The following TOP1MT variants were observed in gnomAD, a reference collection of about 807,000 sequenced individuals.
TOP1MT encodes DNA topoisomerase I, mitochondrial.
In TOP1MT, 80 loss-of-function variants were observed where a neutral mutation model predicts 73.9. That is an observed-to-expected ratio of 1.08 (90% CI 0.90 to 1.30). TOP1MT has a LOEUF of 1.30. Ranked by LOEUF, TOP1MT falls within the 50% of genes most tolerant of loss-of-function variation. The pLI is 0.00. For synonymous variants in TOP1MT, 338 were observed against 326.4 expected (o/e 1.04, Z -0.38); for missense variants, 815 against 808.0 (o/e 1.01, Z -0.10).
At chr8:143,339,106 A>G (rs545130022), upstream of TOP1MT, among the ~76,000 whole-genome samples, 54 of 152,328 alleles carry the variant, frequency 3.5e-4, no homozygotes, top group African/African-American at 1.3e-3. Context: ...AAGGCTATGC[A>G]GGGACTGCCC....
At chr8:143,350,363 G>A (rs1022314031) in intron 1 of TOP1MT, 1 of 152,034 alleles carries the variant, frequency 6.6e-6, no homozygotes, top group Non-Finnish European at 1.5e-5. Context: ...ACTGAGTCTC[G>A]TTCTGTCATG....
intron 4 of TOP1MT, 33 bp downstream of exon 4, chr8:143,326,189 C>T: frequency 6.2e-7 from 1 of 1,612,158 alleles, no homozygotes; most frequent in Non-Finnish European, 8.5e-7. Flanking sequence ...CCAGGGGCCA[C>T]TTCAGGTCAC....
intron 1 of TOP1MT, chr8:143,334,239 G>A (rs1260572850): frequency 6.5e-6 from 1 of 152,778 alleles, no homozygotes; most frequent in Admixed American, 6.5e-5. Context: ...GAAAGCGCCT[G>A]GGACCACCAA....
intron 1 of TOP1MT, among the ~76,000 whole-genome samples, chr8:143,352,004 C>T (rs912737769): frequency 6.6e-6 from 1 of 152,342 alleles, no homozygotes; most frequent in African/African-American, 2.4e-5. Context: ...ATCGCTTGAA[C>T]CTGGGAGGTG....
intron 12 of TOP1MT, among the ~76,000 whole-genome samples, chr8:143,311,958 G>A (rs1365051902): frequency 6.6e-6 from 1 of 152,322 alleles, no homozygotes; most frequent in East Asian, 1.9e-4. Flanking sequence ...ACTATAACAA[G>A]TGATTATATC....
At chr8:143,331,389 A>G (rs773760212) in intron 1 of TOP1MT, 50 bp from the exon 2 acceptor site, 2 of 1,510,956 alleles carry the variant, frequency 1.3e-6, no homozygotes, top group Non-Finnish European at 9.1e-7. Context: ...GCCCTGCATG[A>G]GCCTCTTCCC....
chr8:143,342,329 T>TGGAGTGCAGTGGC (rs1563771468), intron 2 of TOP1MT, among the ~76,000 whole-genome samples: 5 of 139,892 alleles, frequency 3.6e-5, no homozygotes, highest in Non-Finnish European at 7.4e-5. Flanking sequence ...AGAGTCTCGC[T>TGGAGTGCAGTGGC]GTTATTATTA....
At chr8:143,332,026 G>A (rs891555527) in intron 1 of TOP1MT, among the ~76,000 whole-genome samples, 2 of 150,514 alleles carry the variant, frequency 1.3e-5, no homozygotes, top group Non-Finnish European at 1.5e-5. Flanking sequence ...TCCCCAGGGC[G>A]CCCCCTTCTG....
chr8:143,344,605 G>T lies in TOP1MT; in HGVS notation c.-39+311C>A, dbSNP rs1817187174. 3 of 152,516 alleles carry T rather than the reference G, an allele frequency of 2.0e-5. No individual in the cohort carries two copies. Among genetic ancestry groups the T allele is most frequent in the African/African-American group, 4.8e-5 (2 of 41,406 alleles). The allele number at this position is 152,516 out of a possible 1,614,324, so 9.4% of individuals were successfully genotyped here. On this transcript the variant is annotated intron_variant, in intron 1 of 5. Coordinates refer to the TOP1MT transcript ENST00000518007. This position sits in a 1 kb window ranked among gnomAD's most constrained non-coding sequence, Gnocchi z 4.6. ...CACTGTGCCACCCGCCCGCCGCGCA[G>T]CACCATTCCCCAGCTACAGGGACAG...
chr8:143,321,894 G>C (rs1374159741), intron 7 of TOP1MT, among the ~76,000 whole-genome samples: 5 of 29,128 alleles, frequency 1.7e-4, no homozygotes, highest in Admixed American at 5.0e-4. Context: ...GCCACACACA[G>C]GCACGCCACA....
chr8:143,309,946 G>C (rs773802800), intron 13 of TOP1MT, 122 bp downstream of exon 13: 37 of 1,597,078 alleles, frequency 2.3e-5, no homozygotes, highest in Non-Finnish European at 3.1e-5. Context: ...GTCACAGGGA[G>C]GGCCTGTGCT....
At chr8:143,348,114 G>C (rs1477289788), upstream of TOP1MT, among the ~76,000 whole-genome samples, 1 of 152,124 alleles carries the variant, frequency 6.6e-6, no homozygotes, top group Non-Finnish European at 1.5e-5. The surrounding 1 kb of genome is among the most constrained non-coding windows in gnomAD (Gnocchi z 4.6). Flanking sequence ...TGCCGCCTAA[G>C]CCCTACCACC....
chr8:143,320,905 A>C (rs1324803699), intron 8 of TOP1MT, among the ~76,000 whole-genome samples: 3 of 152,200 alleles, frequency 2.0e-5, no homozygotes, highest in East Asian at 3.8e-4. Context: ...CTGGGTCTGC[A>C]GTGCCTTCCT....
chr8:143,330,424 C>T (rs1276388253), intron 2 of TOP1MT, among the ~76,000 whole-genome samples: 1 of 152,252 alleles, frequency 6.6e-6, no homozygotes, highest in African/African-American at 2.4e-5. Context: ...GCAGCCCCCA[C>T]AGACACAGCT....
upstream of TOP1MT, among the ~76,000 whole-genome samples, chr8:143,348,205 C>A (rs568653930): frequency 1.3e-5 from 2 of 152,346 alleles, no homozygotes; most frequent in African/African-American, 4.8e-5. The surrounding 1 kb of genome is among the most constrained non-coding windows in gnomAD (Gnocchi z 4.6). Flanking sequence ...CAGCTCCCTG[C>A]TCCAAAGTCC....
chr8:143,324,433 T>C, intron 6 of TOP1MT, 52 bp downstream of exon 6: 1 of 1,611,328 alleles, frequency 6.2e-7, no homozygotes. Flanking sequence ...CCTGCCGGCG[T>C]CCTCAGGGGG....
intron 1 of TOP1MT, chr8:143,332,584 AG>A (rs1816887797): frequency 7.8e-7 from 1 of 1,289,026 alleles, no homozygotes; most frequent in Admixed American, 2.3e-5. Context: ...TCAGAGCAAC[AG>A]GAAGTCTCTG....
upstream of TOP1MT, among the ~76,000 whole-genome samples, chr8:143,337,678 G>T (rs905630257): frequency 2.0e-5 from 3 of 152,222 alleles, no homozygotes; most frequent in African/African-American, 7.2e-5. Context: ...GCATGATGGT[G>T]TACACCTGTA....
chr8:143,323,568 CACG>C lies in TOP1MT; in HGVS notation c.960+428_960+430del, dbSNP rs1310810215. On this transcript the variant is annotated intron_variant, in intron 7 of 13. Coordinates refer to ENST00000329245, the MANE Select transcript of TOP1MT (RefSeq NM_052963.3). ...ACCACACACGCACGCCACACACATG[CACG>C]CCACACACACAGGCACGCCACACAC... Among the ~76,000 whole-genome samples, 571 of 93,754 alleles carry C rather than the reference CACG, an allele frequency of 6.1e-3. 25 individuals carry two copies. Among genetic ancestry groups the C allele is most frequent in the Non-Finnish European group, 9.9e-3 (437 of 43,990 alleles). The allele number at this position is 93,754 out of a possible 152,430, so 61.5% of individuals were successfully genotyped here.
Sources: gnomAD v4.1 joint callset for allele counts (sites outside exome capture counted in the v4.1 genomes callset) on GRCh38, gnomAD v4.1.1 for gene constraint, Gnocchi (gnomAD v3.1) non-coding constraint, MANE v1.5 for transcripts, NCBI Gene and HGNC (gene_info 2026-07-23, HGNC 2026-07-21) for gene names.